The following MYBL2 variants were observed in gnomAD, a reference collection of about 807,000 sequenced individuals.
The protein encoded by MYBL2 is MYB proto-oncogene like 2.
Under a neutral mutation model 79.9 loss-of-function variants are expected in MYBL2, and 28 were observed. That is an observed-to-expected ratio of 0.35 (90% CI 0.26 to 0.48). The LOEUF (loss-of-function observed/expected upper bound fraction) is 0.48, where lower values mean the gene tolerates loss of function less well. MYBL2 is among the 20% of genes least tolerant of loss of function. The pLI, the probability that MYBL2 is intolerant of heterozygous loss-of-function variation, is 0.99. For missense variants in MYBL2, 735 were observed against 893.9 expected, an observed-to-expected ratio of 0.82 and a Z score of 2.27; for synonymous variants, 378 against 361.2, an observed-to-expected ratio of 1.05 and a Z score of -0.53.
intron 4 of MYBL2, 127 bp downstream of exon 4, chr20:43,683,013 G>C (rs940139355): frequency 3.3e-5 from 28 of 859,276 alleles, no homozygotes; most frequent in Admixed American, 2.2e-4. Context: ...TTGTCTACCA[G>C]CCAGTCTGGA....
chr20:43,693,485 C>A (rs1000073365), intron 6 of MYBL2, among the ~76,000 whole-genome samples: 2 of 152,054 alleles, frequency 1.3e-5, no homozygotes, highest in African/African-American at 2.4e-5. Context: ...ATTACAGGTG[C>A]ACACCACCAT....
chr20:43,697,181 G>T (rs992075210), intron 6 of MYBL2, among the ~76,000 whole-genome samples: 1 of 152,136 alleles, frequency 6.6e-6, no homozygotes, highest in Non-Finnish European at 1.5e-5. Flanking sequence ...GTCAATACCG[G>T]CTATGGTTAT....
intron 4 of MYBL2, among the ~76,000 whole-genome samples, chr20:43,686,277 G>A (rs973513833): frequency 2.0e-5 from 3 of 152,110 alleles, no homozygotes; most frequent in African/African-American, 7.2e-5. Flanking sequence ...GGCTGCGTAT[G>A]TTGTGGTTTG....
chr20:43,686,310 C>G (rs1286905255), intron 4 of MYBL2, among the ~76,000 whole-genome samples: 1 of 152,146 alleles, frequency 6.6e-6, no homozygotes, highest in Non-Finnish European at 1.5e-5. Flanking sequence ...GGAAGCCTGA[C>G]TGAGGGCAGG....
intron 3 of MYBL2, 93 bp from the exon 4 acceptor site, chr20:43,682,701 C>T (rs997115680): frequency 6.7e-5 from 78 of 1,157,672 alleles, no homozygotes; most frequent in Non-Finnish European, 6.4e-5. Flanking sequence ...TAGTCCCAGG[C>T]CATAGGCCCC....
chr20:43,689,734 T>G (rs1487060509), intron 5 of MYBL2, among the ~76,000 whole-genome samples: 1 of 152,208 alleles, frequency 6.6e-6, no homozygotes, highest in Non-Finnish European at 1.5e-5. Context: ...CCTGCTAGAT[T>G]TAACTGTCAA....
rs1987754149 is a variant in MYBL2, at chr20:43,705,248, A to G, written c.1395A>G (p.Thr465=). The part of the protein sequence containing the change: ...QFLNFWNKQD[T]LELESPSLTS... Reference sequence around the variant, plus strand: ...TGAACTTCTGGAACAAACAGGACACATTGGAGCTGGAGAGCCCCTCGCTGA... The same window carrying G: ...TGAACTTCTGGAACAAACAGGACACGTTGGAGCTGGAGAGCCCCTCGCTGA... The change falls in exon 9 of 14, where the codon ACA becomes ACG. Residue 465 remains threonine (T), a synonymous_variant. Coordinates refer to ENST00000217026, the MANE Select transcript of MYBL2 (RefSeq NM_002466.4). The G allele has an allele frequency of 1.2e-6, 2 of 1,613,932 alleles. No homozygotes were observed. Among genetic ancestry groups the G allele is most frequent in the African/African-American group, 2.7e-5 (2 of 74,940 alleles).
At chr20:43,694,698 C>T (rs1316734287) in intron 6 of MYBL2, among the ~76,000 whole-genome samples, 1 of 152,138 alleles carries the variant, frequency 6.6e-6, no homozygotes. Context: ...AAAAGTAAAA[C>T]GACTTCTTTT....
chr20:43,674,232 C>G lies in MYBL2; in HGVS notation c.114+333C>G, dbSNP rs1169366465. ...TTGGCCAAATCTGTAACTCCCCCCA[C>G]CCTTTTTTTTTTTTTTTTTTTGAGA... is the stretch of plus-strand genomic sequence containing the variant. On this transcript the variant is annotated intron_variant, in intron 2 of 13. Coordinates refer to ENST00000217026, the MANE Select transcript of MYBL2 (RefSeq NM_002466.4). 2.7e-5 allele frequency among the ~76,000 whole-genome samples: 3 copies of G among 111,286 alleles called. 1 individual carries two copies. In the Admixed American group the frequency reaches 2.7e-4, roughly 10 times the overall value. The allele number at this position is 111,286 out of a possible 152,430, so 73.0% of individuals were successfully genotyped here.
chr20:43,715,822 T>C, intron 13 of MYBL2, 137 bp from the exon 14 acceptor site: 3 of 1,205,822 alleles, frequency 2.5e-6, no homozygotes, highest in Non-Finnish European at 3.4e-6. Flanking sequence ...TCACAGGGAA[T>C]GTGGAGAGAG....
chr20:43,672,787 C>A (rs951331056), intron 1 of MYBL2, among the ~76,000 whole-genome samples: 6 of 152,058 alleles, frequency 3.9e-5, no homozygotes, highest in Admixed American at 2.6e-4. Flanking sequence ...AGAATATATT[C>A]AGAATTTTTT....
At chr20:43,686,588 C>G (rs1987278511) in intron 4 of MYBL2, among the ~76,000 whole-genome samples, 1 of 152,186 alleles carries the variant, frequency 6.6e-6, no homozygotes, top group Non-Finnish European at 1.5e-5. Context: ...TTGATCTCTA[C>G]TCTAGAAAGG....
At chr20:43,713,262 C>G (rs1987953069) in intron 12 of MYBL2, among the ~76,000 whole-genome samples, 156 bp downstream of exon 12, 2 of 152,126 alleles carry the variant, frequency 1.3e-5, no homozygotes, top group South Asian at 2.1e-4. Context: ...TGGCTTCAGT[C>G]AGCAGCTCTG....
chr20:43,673,199 C>T (rs1017824879), intron 1 of MYBL2, among the ~76,000 whole-genome samples: 1 of 149,998 alleles, frequency 6.7e-6, no homozygotes, highest in African/African-American at 2.4e-5. Flanking sequence ...CCCACCTCGG[C>T]CTCCCAAAGT....
chr20:43,676,784 T>A (rs764396202), intron 2 of MYBL2, among the ~76,000 whole-genome samples: 5 of 152,144 alleles, frequency 3.3e-5, no homozygotes, highest in Non-Finnish European at 7.4e-5. Flanking sequence ...TTTACCTCAG[T>A]TTTTCTTAGT....
At chr20:43,683,357 AT>A (rs1987186933) in intron 4 of MYBL2, among the ~76,000 whole-genome samples, 1 of 152,016 alleles carries the variant, frequency 6.6e-6, no homozygotes, top group Non-Finnish European at 1.5e-5. Flanking sequence ...TGTTAGTCCC[AT>A]TTTATAGATG....
Position 43,703,114 on chromosome 20 carries a change from G to A in MYBL2, c.1365+211G>A, listed in dbSNP as rs570748499. Among the ~76,000 whole-genome samples the A allele has an allele frequency of 3.3e-5, 5 of 152,326 alleles. No homozygotes were observed. In the South Asian group the frequency reaches 1.0e-3, roughly 32 times the overall value. On this transcript the variant is annotated intron_variant, in intron 8 of 13. Coordinates refer to ENST00000217026, the MANE Select transcript of MYBL2 (RefSeq NM_002466.4). ...TGCTGCATATGTGTATCTAGTCTGG[G>A]CAAGTCCAGGAAGACTGCCAGGAGG... is the stretch of plus-strand genomic sequence containing the variant.
At chr20:43,690,101 C>T (rs998166789) in intron 5 of MYBL2, among the ~76,000 whole-genome samples, 12 of 151,446 alleles carry the variant, frequency 7.9e-5, no homozygotes, top group African/African-American at 1.9e-4. Context: ...TGTATGCATG[C>T]GAGGTATGTA....
chr20:43,689,002 C>T (rs1987344471), intron 5 of MYBL2, among the ~76,000 whole-genome samples: 1 of 152,048 alleles, frequency 6.6e-6, no homozygotes, highest in Admixed American at 6.6e-5. Context: ...CTTGGCCAGG[C>T]TAGTCTTGAA....
Sources: gnomAD v4.1 joint callset for allele counts (sites outside exome capture counted in the v4.1 genomes callset) on GRCh38, gnomAD v4.1.1 for gene constraint, MANE v1.5 for transcripts, NCBI Gene and HGNC (gene_info 2026-07-23, HGNC 2026-07-21) for gene names.